The following NPAS2 variants were observed in gnomAD, a reference collection of about 807,000 sequenced individuals.
The protein encoded by NPAS2 is neuronal PAS domain protein 2.
NPAS2 carries 23 observed loss-of-function variants against 107.5 expected under a neutral mutation model. The ratio of observed to expected loss-of-function variants is 0.21; its 90% CI spans 0.15 to 0.30. The LOEUF (loss-of-function observed/expected upper bound fraction) is 0.30. NPAS2 is among the 10% of genes least tolerant of loss of function. The pLI, the probability that NPAS2 is intolerant of heterozygous loss-of-function variation, is 1.00. For synonymous variants in NPAS2, 403 were observed against 417.5 expected (o/e 0.97, Z 0.42); for missense variants, 756 against 1,043.3 (o/e 0.72, Z 3.79).
chr2:100,819,132 C>T (rs1430508911), upstream of NPAS2, among the ~76,000 whole-genome samples: 9 of 151,624 alleles, frequency 5.9e-5, no homozygotes, highest in Non-Finnish European at 1.2e-4. The surrounding 1 kb of genome is among the most constrained non-coding windows in gnomAD (Gnocchi z 5.8). Context: ...GGATTCTCGC[C>T]TGTCTCCTCC....
chr2:100,954,263 T>TA (rs1675419980), intron 7 of NPAS2, among the ~76,000 whole-genome samples: 2 of 152,164 alleles, frequency 1.3e-5, no homozygotes, highest in African/African-American at 4.8e-5. Context: ...ATACGAAAGG[T>TA]ACCTGGAAGG....
chr2:100,894,057 C>T (rs1028682689), intron 1 of NPAS2, among the ~76,000 whole-genome samples: 4 of 152,220 alleles, frequency 2.6e-5, no homozygotes, highest in Non-Finnish European at 4.4e-5. Context: ...GGACCCAGGG[C>T]GGATATGCCG....
At chr2:100,834,595 A>G (rs1676943239) in intron 1 of NPAS2, among the ~76,000 whole-genome samples, 2 of 152,344 alleles carry the variant, frequency 1.3e-5, no homozygotes, top group Admixed American at 6.5e-5. Context: ...CATGTATGCC[A>G]GGCGGGGTCA....
At chr2:100,870,085 G>T (rs894929092) in intron 1 of NPAS2, among the ~76,000 whole-genome samples, 1 of 151,886 alleles carries the variant, frequency 6.6e-6, no homozygotes, top group Admixed American at 6.6e-5. Context: ...TTTGTTTTCA[G>T]AGATGGGGTT....
rs1269212065 is a variant in NPAS2, at chr2:100,977,720, C to T, written c.1403C>T (p.Pro468Leu). The T allele has an allele frequency of 6.2e-7, 1 of 1,614,196 alleles. No individual in the cohort carries two copies. The highest frequency in any genetic ancestry group is 8.5e-7 in the Non-Finnish European group (1 of 1,179,990). The part of the protein sequence containing the change: ...SQAATMPAPL[P>L]SPSSCDLTQQ... ...CTTTCTCTCCCACAGGCCCCTCTGC[C>T]TTCCCCATCGTCCTGCGACCTCACA... Residue 468 changes from proline (P) to leucine (L), a missense_variant, in exon 15 of 21, where the codon CCT becomes CTT. Physicochemically the swap from Pro to Leu is moderately conservative, Grantham distance 98 (BLOSUM62 -3). Around this residue, in one of 4 missense-constraint regions of NPAS2, gnomAD observed 496 missense variants for 594.4 expected, o/e 0.83. Coordinates refer to ENST00000335681, the MANE Select transcript of NPAS2 (RefSeq NM_002518.4).
At chr2:100,854,112 T>C (rs1223875841) in intron 1 of NPAS2, among the ~76,000 whole-genome samples, 1 of 135,896 alleles carries the variant, frequency 7.4e-6, no homozygotes, top group Non-Finnish European at 1.5e-5. Flanking sequence ...ATTGCACCAC[T>C]GCACTCCAGC....
At chr2:100,912,771 C>T (rs1361959942) in intron 2 of NPAS2, among the ~76,000 whole-genome samples, 1 of 152,222 alleles carries the variant, frequency 6.6e-6, no homozygotes, top group East Asian at 1.9e-4. Flanking sequence ...GCTTTGGAAG[C>T]CAAACATTGT....
chr2:100,971,170 G>A (rs1220740110), intron 12 of NPAS2, 96 bp downstream of exon 12: 3 of 1,178,248 alleles, frequency 2.5e-6, no homozygotes, highest in Non-Finnish European at 3.7e-6. Context: ...TTCATCAATG[G>A]AAGGGTACAA....
chr2:100,914,575 C>T (rs1244495026), intron 2 of NPAS2, among the ~76,000 whole-genome samples: 1 of 152,102 alleles, frequency 6.6e-6, no homozygotes, highest in African/African-American at 2.4e-5. Context: ...CAAGAGCTAC[C>T]CAGAAATATG....
chr2:100,836,771 A>G (rs1236177421), intron 1 of NPAS2, among the ~76,000 whole-genome samples: 2 of 152,182 alleles, frequency 1.3e-5, no homozygotes, highest in East Asian at 1.9e-4. Context: ...TCCCCGGGCC[A>G]CATGTATAAT....
At chr2:100,824,656 G>T (rs1236867701) in intron 1 of NPAS2, among the ~76,000 whole-genome samples, 1 of 152,166 alleles carries the variant, frequency 6.6e-6, no homozygotes, top group Non-Finnish European at 1.5e-5. Flanking sequence ...CTGCCATCTA[G>T]GAGAGATGGA....
chr2:100,915,247 C>T (rs959746713), intron 2 of NPAS2, among the ~76,000 whole-genome samples: 2 of 152,122 alleles, frequency 1.3e-5, no homozygotes, highest in Non-Finnish European at 2.9e-5. Flanking sequence ...TGGGATGAAA[C>T]CCTGCTGCTT....
chr2:100,950,428 G>A (rs959266970), intron 7 of NPAS2, among the ~76,000 whole-genome samples: 2 of 152,144 alleles, frequency 1.3e-5, no homozygotes, highest in Non-Finnish European at 2.9e-5. Flanking sequence ...ATTAACTTCT[G>A]CTGCGTTCTT....
chr2:100,851,947 A>G (rs747342565), intron 1 of NPAS2, among the ~76,000 whole-genome samples: 1 of 152,186 alleles, frequency 6.6e-6, no homozygotes, highest in Non-Finnish European at 1.5e-5. Flanking sequence ...ATTGCCTGCT[A>G]CAGGTAGACC....
intron 1 of NPAS2, among the ~76,000 whole-genome samples, chr2:100,827,238 T>C (rs1676446519): frequency 6.6e-6 from 1 of 152,226 alleles, no homozygotes; most frequent in African/African-American, 2.4e-5. Flanking sequence ...GCCCCAAGCA[T>C]TTCTAAGAAG....
At chr2:100,935,863 A>G (rs1220358401) in intron 4 of NPAS2, among the ~76,000 whole-genome samples, 2 of 152,170 alleles carry the variant, frequency 1.3e-5, no homozygotes, top group African/African-American at 4.8e-5. Context: ...CTGTAACTCA[A>G]ATCTAACCCA....
rs1684361226 is a variant in NPAS2, at chr2:100,937,047, C to T, written c.274-706C>T. ...TTTATGAGAAAGCATTGCCCACCTTCAACCTATTATATCACAAGCACCCAG... is the reference window on the plus strand; with the variant it reads ...TTTATGAGAAAGCATTGCCCACCTTTAACCTATTATATCACAAGCACCCAG... On this transcript the variant is annotated intron_variant, in intron 4 of 20. Coordinates refer to ENST00000335681, the MANE Select transcript of NPAS2 (RefSeq NM_002518.4). 2.0e-5 allele frequency among the ~76,000 whole-genome samples: 3 copies of T among 151,046 alleles called. No individual in the cohort carries two copies. The South Asian group carries it at 6.3e-4, about 32-fold the overall frequency.
intron 2 of NPAS2, among the ~76,000 whole-genome samples, chr2:100,907,131 C>A (rs1226805555): frequency 6.6e-6 from 1 of 152,108 alleles, no homozygotes; most frequent in Non-Finnish European, 1.5e-5. Context: ...CCCATCCCTG[C>A]CTCTCTCCTG....
chr2:100,961,544 T>G (rs1007933595), intron 7 of NPAS2, among the ~76,000 whole-genome samples: 1 of 152,192 alleles, frequency 6.6e-6, no homozygotes, highest in Non-Finnish European at 1.5e-5. Flanking sequence ...CAAACAATAA[T>G]GAAACTTCCT....
Sources: gnomAD v4.1 joint callset for allele counts (sites outside exome capture counted in the v4.1 genomes callset) on GRCh38, gnomAD v4.1.1 for gene constraint, gnomAD v4.1.1 regional missense constraint, Gnocchi (gnomAD v3.1) non-coding constraint, MANE v1.5 for transcripts, NCBI Gene and HGNC (gene_info 2026-07-23, HGNC 2026-07-21) for gene names.